Variants in KIF16B observed in about 807,000 individuals in gnomAD.
KIF16B encodes the protein kinesin-like protein KIF16B.
A neutral mutation model predicts 156.3 loss-of-function variants in KIF16B; 98 were observed. The observed-to-expected ratio is 0.63, with a 90% CI of 0.53 to 0.74. The LOEUF is 0.74. KIF16B is among the 30% of genes least tolerant of loss of function. The pLI is 0.00. For synonymous variants in KIF16B, 564 were observed against 583.7 expected (o/e 0.97, Z 0.49); for missense variants, 1,421 against 1,606.5 (o/e 0.88, Z 1.97).
intron 24 of KIF16B, among the ~76,000 whole-genome samples, chr20:16,318,563 AACACAG>A (rs1265082846): frequency 1.3e-5 from 2 of 152,206 alleles, no homozygotes; most frequent in Non-Finnish European, 2.9e-5. Context: ...GTCTCAAAGG[AACACAG>A]ACATCAAGTG....
intron 12 of KIF16B, among the ~76,000 whole-genome samples, chr20:16,478,062 T>C (rs6111157): frequency 0.38 from 58,282 of 151,936 alleles, 12,796 homozygotes; most frequent in African/African-American, 0.61. Context: ...ATGACTGGGA[T>C]GGCAAGTTTA....
chr20:16,557,125 A>G (rs1301022617), intron 1 of KIF16B, among the ~76,000 whole-genome samples: 26 of 147,296 alleles, frequency 1.8e-4, no homozygotes, highest in Non-Finnish European at 4.5e-5. Flanking sequence ...AATATTAATC[A>G]TTAATACTAT....
chr20:16,556,382 G>A (rs1431651577), intron 1 of KIF16B, among the ~76,000 whole-genome samples: 1 of 152,210 alleles, frequency 6.6e-6, no homozygotes, highest in Admixed American at 6.5e-5. Flanking sequence ...CAAGGACTAT[G>A]CCCACTGTGG....
At chr20:16,525,158 C>T (rs1357712911) in intron 3 of KIF16B, among the ~76,000 whole-genome samples, 2 of 152,024 alleles carry the variant, frequency 1.3e-5, no homozygotes, top group African/African-American at 4.8e-5. Context: ...ACATGTATCC[C>T]AGAATTAAAG....
chr20:16,367,237 C>T, intron 22 of KIF16B: 1 of 1,612,814 alleles, frequency 6.2e-7, no homozygotes, highest in South Asian at 1.1e-5. Context: ...ATTCTGACTG[C>T]CTTGAAGATA....
intron 25 of KIF16B, among the ~76,000 whole-genome samples, chr20:16,279,163 C>A (rs755041502): frequency 5.3e-5 from 8 of 152,218 alleles, no homozygotes; most frequent in Non-Finnish European, 1.2e-4. Context: ...TGAAGAAACA[C>A]CTTTCCCCTC....
chr20:16,273,214 G>C lies in KIF16B; in HGVS notation c.*39C>G, dbSNP rs1462824795. On this transcript the variant is annotated 3_prime_UTR_variant, in exon 26 of 26. Transcript: ENST00000354981. ...CCTGCATCGGAGCCCGCTTCGACGAGAAGGCACTGCTGTGGTGGTTCCTCC... is the reference window on the plus strand; with the variant it reads ...CCTGCATCGGAGCCCGCTTCGACGACAAGGCACTGCTGTGGTGGTTCCTCC... The C allele has an allele frequency of 6.3e-7, 1 of 1,591,312 alleles. No individual in the cohort carries two copies. The highest frequency in any genetic ancestry group is 1.3e-5 in the African/African-American group (1 of 74,420).
chr20:16,382,974 T>C (rs1349225898), intron 17 of KIF16B, among the ~76,000 whole-genome samples: 2 of 152,186 alleles, frequency 1.3e-5, no homozygotes, highest in African/African-American at 4.8e-5. Flanking sequence ...ATATTGAGAA[T>C]AAGATGTCTG....
intron 23 of KIF16B, among the ~76,000 whole-genome samples, chr20:16,340,642 C>A (rs1021065724): frequency 1.3e-5 from 2 of 152,218 alleles, no homozygotes; most frequent in Non-Finnish European, 2.9e-5. Flanking sequence ...GATAAAGGAA[C>A]TGGACACTCA....
At chr20:16,329,621 TGA>T (rs2063915127) in intron 24 of KIF16B, among the ~76,000 whole-genome samples, 1 of 152,150 alleles carries the variant, frequency 6.6e-6, no homozygotes, top group African/African-American at 2.4e-5. Flanking sequence ...TTTACAGACG[TGA>T]ACTGGAAAAC....
intron 13 of KIF16B, among the ~76,000 whole-genome samples, chr20:16,429,347 A>G (rs967187123): frequency 1.3e-5 from 2 of 152,204 alleles, no homozygotes; most frequent in African/African-American, 4.8e-5. Flanking sequence ...TCTGCAAAAC[A>G]CAAATGCAGT....
chr20:16,346,759 C>T (rs558535210), intron 23 of KIF16B, among the ~76,000 whole-genome samples: 19 of 152,252 alleles, frequency 1.2e-4, no homozygotes, highest in African/African-American at 4.3e-4. Flanking sequence ...CCTTTAAGTA[C>T]AAGATTGTCA....
chr20:16,485,177 C>A (rs1233469386), intron 12 of KIF16B, among the ~76,000 whole-genome samples: 1 of 152,162 alleles, frequency 6.6e-6, no homozygotes, highest in Non-Finnish European at 1.5e-5. Context: ...ACCAAATCAT[C>A]CCCAGCTGAC....
chr20:16,302,028 C>A (rs1300848479), intron 25 of KIF16B, among the ~76,000 whole-genome samples: 1 of 152,128 alleles, frequency 6.6e-6, no homozygotes, highest in Non-Finnish European at 1.5e-5. Flanking sequence ...TGGAATTACA[C>A]CCCTTTATCA....
At position 16,427,170 on chromosome 20, in the gene KIF16B, G is replaced by A; in HGVS notation, c.1546C>T (p.Pro516Ser). 1 of 1,612,330 alleles carries A rather than the reference G, an allele frequency of 6.2e-7. No individual in the cohort carries two copies. Among genetic ancestry groups the A allele is most frequent in the Middle Eastern group, 1.7e-4 (1 of 6,046 alleles). The change falls in exon 15 of 26, where the codon CCC becomes TCC. Residue 516 changes from proline to serine, a missense_variant. Transcript: ENST00000354981. ...ACAGAGCACTGGGACCCACTCAGGG[G>A]TATCAGAGTCACTGTCCCCCCGATA... Reference protein sequence around the residue: ...ENIGGTVTLIPLSGSQCSVNG... With the variant: ...ENIGGTVTLISLSGSQCSVNG...
intron 25 of KIF16B, among the ~76,000 whole-genome samples, chr20:16,280,869 C>T (rs68053293): frequency 0.24 from 21,295 of 90,612 alleles, 1,639 homozygotes; most frequent in African/African-American, 0.32. Flanking sequence ...TGTGTGTGTG[C>T]GCAGAAAATG....
At chr20:16,431,083 C>A (rs1007593159) in intron 12 of KIF16B, among the ~76,000 whole-genome samples, 2 of 152,070 alleles carry the variant, frequency 1.3e-5, no homozygotes, top group African/African-American at 4.8e-5. Flanking sequence ...TTTCTCTAAA[C>A]TCTACATATG....
chr20:16,378,784 A>G (rs770285684), intron 19 of KIF16B, 21 bp downstream of exon 19: 35 of 1,570,442 alleles, frequency 2.2e-5, no homozygotes, highest in Non-Finnish European at 3.0e-5. Context: ...TGTATGCCAC[A>G]CCCTTCCTTC....
rs554801228 is a variant in KIF16B at position 16,294,950 on chromosome 20, C to T, written c.3795+17385G>A. ...CTGCTTTGTTTCCACCTGGTTGTTA[C>T]CACTTTGTCCTTAGCGTCCAATTTT... On this transcript the variant is annotated intron_variant, in intron 25 of 25. Transcript: ENST00000354981. Among the ~76,000 whole-genome samples, 4 of 152,270 alleles carry T rather than the reference C, an allele frequency of 2.6e-5. No individual in the cohort carries two copies. In the East Asian group the frequency reaches 7.7e-4, roughly 29 times the overall value.
Sources: allele counts gnomAD v4.1 joint callset (sites outside exome capture counted in the v4.1 genomes callset), GRCh38; gene constraint gnomAD v4.1.1; transcripts MANE v1.5; gene names NCBI Gene and HGNC (gene_info 2026-07-23, HGNC 2026-07-21).